LAMB4: variants seen among roughly 807,000 people sequenced by gnomAD.
The protein encoded by LAMB4 is laminin subunit beta-4.
Under a neutral mutation model 199.2 loss-of-function variants are expected in LAMB4, and 196 were observed. The observed-to-expected ratio is 0.98, with a 90% CI of 0.88 to 1.11. LAMB4 has a LOEUF of 1.11. Ranked by LOEUF, LAMB4 falls within the 50% of genes least tolerant of loss-of-function variation. The probability of loss-of-function intolerance (pLI) is 0.00; values close to 1 mark genes in which losing one functional copy is unlikely to be tolerated. For missense variants in LAMB4, 2,080 were observed against 2,171.2 expected (o/e 0.96, Z 0.83); for synonymous variants, 744 against 770.6 (o/e 0.97, Z 0.57).
At chr7:108,089,369 C>T (rs59667360) in intron 14 of LAMB4, among the ~76,000 whole-genome samples, 3,398 of 152,278 alleles carry the variant, frequency 0.022, 137 homozygotes, top group African/African-American at 0.078. Context: ...TTTACACTCC[C>T]TGCTGTACCT....
chr7:108,043,055 G>C (rs2035478945), intron 29 of LAMB4, among the ~76,000 whole-genome samples: 1 of 150,200 alleles, frequency 6.7e-6, no homozygotes. Context: ...TAATTCTCTG[G>C]AGTTTAAAAT....
chr7:108,080,126 T>TC (rs1285039124), intron 14 of LAMB4, among the ~76,000 whole-genome samples: 1 of 152,218 alleles, frequency 6.6e-6, no homozygotes, highest in Non-Finnish European at 1.5e-5. Context: ...GCGGAGTTCT[T>TC]CCCAAAATAT....
At position 108,098,565 on chromosome 7, in the gene LAMB4, C is replaced by T. The variant is rs778254226; in HGVS notation, c.1198G>A (p.Asp400Asn). The T allele has an allele frequency of 5.6e-6, 9 of 1,601,896 alleles. No homozygotes were observed. Among genetic ancestry groups the T allele is most frequent in the African/African-American group, 1.3e-5 (1 of 74,432 alleles). The change falls in exon 11 of 34, where the codon GAT becomes AAT. Residue 400 changes from aspartate to asparagine, a missense_variant. Physicochemically the swap from Asp to Asn is conservative, Grantham distance 23. Transcript: ENST00000388781. ...CAAATGCCACCAGATATGGTCCCATCGGGGTCACATTCACAAGCTGGGGAC... is the reference window on the plus strand; with the variant it reads ...CAAATGCCACCAGATATGGTCCCATTGGGGTCACATTCACAAGCTGGGGAC... ...YACIPCECDP[D>N]GTISGGICVS...
At chr7:108,040,161 T>C (rs886110388) in intron 29 of LAMB4, among the ~76,000 whole-genome samples, 7 of 152,126 alleles carry the variant, frequency 4.6e-5, no homozygotes, top group East Asian at 1.9e-4. Context: ...TCATTCACAA[T>C]TGCCACAAAA....
At chr7:108,028,991 G>T in intron 33 of LAMB4, 52 bp downstream of exon 33, 1 of 1,504,928 alleles carries the variant, frequency 6.6e-7, no homozygotes, top group East Asian at 2.3e-5. Flanking sequence ...TAGTAAGGTA[G>T]AGTACCATGA....
rs57071448 is a variant in LAMB4 at position 108,050,700 on chromosome 7, C to A, written c.3917-1169G>T. 8.0e-3 allele frequency among the ~76,000 whole-genome samples: 1,211 copies of A among 152,260 alleles called. 27 individuals carry two copies. The highest frequency in any genetic ancestry group is 0.028 in the African/African-American group (1,166 of 41,552). On this transcript the variant is annotated intron_variant, in intron 26 of 33. Transcript: ENST00000388781. Reference sequence around the variant, plus strand: ...ACTTTTCTGGTTCTATAAGACCATACTCTTAATGTATCATGCTTTTCACTT... The same window carrying A: ...ACTTTTCTGGTTCTATAAGACCATAATCTTAATGTATCATGCTTTTCACTT...
rs372337424 is a variant in LAMB4, at chr7:108,052,276, T to C, written c.3756-19A>G. 16 of 1,540,314 alleles carry C rather than the reference T, an allele frequency of 1.0e-5. No homozygotes were observed. Among genetic ancestry groups the C allele is most frequent in the Non-Finnish European group, 1.4e-5 (16 of 1,139,188 alleles). Reference sequence around the variant, plus strand: ...TTGTCTTCTATAGAGGAAATAAGGGTAAATGTAGTTAAGCTTGTATTACAT... The same window carrying C: ...TTGTCTTCTATAGAGGAAATAAGGGCAAATGTAGTTAAGCTTGTATTACAT... On this transcript the variant is annotated intron_variant, in intron 25 of 33. Transcript: ENST00000388781.
chr7:108,012,721 A>G, the LAMB4 span, among the ~76,000 whole-genome samples: 1 of 152,226 alleles, frequency 6.6e-6, no homozygotes, highest in Non-Finnish European at 1.5e-5. Context: ...GTCAGCATAT[A>G]GGCTCTTAGT....
intron 16 of LAMB4, among the ~76,000 whole-genome samples, chr7:108,077,860 G>T (rs938266142): frequency 6.6e-6 from 1 of 152,146 alleles, no homozygotes; most frequent in African/African-American, 2.4e-5. Flanking sequence ...AAGCCACCTG[G>T]GGACCGGAAA....
intron 2 of LAMB4, 80 bp downstream of exon 2, chr7:108,123,051 T>C: frequency 8.0e-7 from 1 of 1,250,434 alleles, no homozygotes; most frequent in South Asian, 1.4e-5. Context: ...AAGACAGAAG[T>C]GAATATGTTT....
At chr7:108,085,491 C>G (rs961985107) in intron 14 of LAMB4, among the ~76,000 whole-genome samples, 6 of 152,174 alleles carry the variant, frequency 3.9e-5, no homozygotes, top group Non-Finnish European at 5.9e-5. Context: ...AATGCTCTGA[C>G]AAACTGAGAG....
chr7:108,091,476 C>G (rs2037398766), intron 14 of LAMB4, 150 bp downstream of exon 14: 2 of 809,910 alleles, frequency 2.5e-6, no homozygotes, highest in Non-Finnish European at 3.9e-6. Context: ...ATATAATCTG[C>G]ATTTGCAGGT....
At chr7:108,016,275 ATTTTTTTTTTTTTTTTT>A in the LAMB4 span, among the ~76,000 whole-genome samples, 7 of 97,854 alleles carry the variant, frequency 7.2e-5, no homozygotes, top group South Asian at 1.3e-3. Flanking sequence ...GCATTTTGGA[ATTTTTTTTTTTTTTTTT>A]TTTTTTTTTG....
intron 32 of LAMB4, 110 bp downstream of exon 32, chr7:108,030,696 A>G: frequency 1.0e-6 from 1 of 1,002,148 alleles, no homozygotes; most frequent in Non-Finnish European, 1.5e-6. Context: ...TGAGTCATGG[A>G]CCAGCACAAA....
At chr7:108,121,745 T>C (rs2038606829) in intron 2 of LAMB4, among the ~76,000 whole-genome samples, 2 of 143,422 alleles carry the variant, frequency 1.4e-5, no homozygotes, top group African/African-American at 5.8e-5. Flanking sequence ...AATGAAACTC[T>C]GTCTTAAAAA....
chr7:108,121,424 C>T (rs907041471), intron 2 of LAMB4, among the ~76,000 whole-genome samples: 6 of 152,128 alleles, frequency 3.9e-5, no homozygotes, highest in Admixed American at 2.0e-4. Context: ...CATGTTTATA[C>T]GTTCATGCAG....
chr7:108,128,432 T>G (rs1563119321), intron 1 of LAMB4, among the ~76,000 whole-genome samples: 1 of 152,142 alleles, frequency 6.6e-6, no homozygotes, highest in Admixed American at 6.5e-5. Flanking sequence ...AACATAGAAT[T>G]AAGCATCCTA....
At chr7:108,035,604 C>CAAAAAAAAAAAAAAAA (rs34425857) in intron 30 of LAMB4, among the ~76,000 whole-genome samples, 1 of 79,944 alleles carries the variant, frequency 1.3e-5, no homozygotes, top group Non-Finnish European at 2.4e-5. Context: ...TAGAGAGTAC[C>CAAAAAAAAAAAAAAAA]AAAAAAAAAA....
chr7:108,102,913 C>A, intron 10 of LAMB4, 131 bp downstream of exon 10: 1 of 633,876 alleles, frequency 1.6e-6, no homozygotes, highest in Non-Finnish European at 2.4e-6. Flanking sequence ...GGTATTTTTG[C>A]AATCCTCCAC....
Sources: allele counts gnomAD v4.1 joint callset (sites outside exome capture counted in the v4.1 genomes callset), GRCh38; gene constraint gnomAD v4.1.1; transcripts MANE v1.5; gene names NCBI Gene and HGNC (gene_info 2026-07-23, HGNC 2026-07-21).